The following PDE3A variants were observed in gnomAD, a reference collection of about 807,000 sequenced individuals.
PDE3A encodes cGMP-inhibited 3',5'-cyclic phosphodiesterase 3A.
In PDE3A, 43 loss-of-function variants were observed where a neutral mutation model predicts 98.3. The ratio of observed to expected loss-of-function variants is 0.44; its 90% confidence interval spans 0.34 to 0.56. The LOEUF (loss-of-function observed/expected upper bound fraction) is 0.56. PDE3A is among the 20% of genes least tolerant of loss of function. The pLI is 0.01. For synonymous variants in PDE3A, 663 were observed against 567.9 expected, an observed-to-expected ratio of 1.17 and a Z score of -2.38; for missense variants, 1,427 against 1,440.7, an observed-to-expected ratio of 0.99 and a Z score of 0.15.
intron 1 of PDE3A, among the ~76,000 whole-genome samples, chr12:20,498,994 G>A (rs780129710): frequency 1.5e-4 from 23 of 152,060 alleles, no homozygotes; most frequent in South Asian, 8.3e-4. Context: ...ATACTTTTTG[G>A]TAGAAAATTG....
At chr12:20,479,322 T>C (rs558090833) in intron 1 of PDE3A, among the ~76,000 whole-genome samples, 1 of 152,342 alleles carries the variant, frequency 6.6e-6, no homozygotes, top group South Asian at 2.1e-4. Flanking sequence ...TGGGGACTGA[T>C]GGACTGCTCT....
At chr12:20,424,872 G>A (rs537637206) in intron 1 of PDE3A, among the ~76,000 whole-genome samples, 1 of 152,168 alleles carries the variant, frequency 6.6e-6, no homozygotes, top group Non-Finnish European at 1.5e-5. Context: ...TTCGTTCATT[G>A]TAACACCCAC....
chr12:20,680,640 GAT>G lies in PDE3A; in HGVS notation c.*379_*380del. ...CACAATTTAGTAACATTTATATTAA[GAT>G]ATATATATAGTGGTCACTGTGATAT... On this transcript the variant is annotated 3_prime_UTR_variant, in exon 16 of 16. Transcript: ENST00000359062. 5.8e-6 allele frequency: 1 copy of G among 171,052 alleles called. No individual in the cohort carries two copies. Among genetic ancestry groups the G allele is most frequent in the East Asian group, 1.7e-4 (1 of 6,006 alleles). 10.6% of individuals were successfully genotyped at this position (171,052 alleles called of 1,614,324 possible).
At chr12:20,582,971 G>A (rs1943106616) in intron 2 of PDE3A, among the ~76,000 whole-genome samples, 1 of 151,990 alleles carries the variant, frequency 6.6e-6, no homozygotes, top group Non-Finnish European at 1.5e-5. Context: ...GAATTCCAAG[G>A]AACAATTTAA....
chr12:20,484,330 G>C (rs1378550087), intron 1 of PDE3A, among the ~76,000 whole-genome samples: 1 of 151,992 alleles, frequency 6.6e-6, no homozygotes, highest in Non-Finnish European at 1.5e-5. Flanking sequence ...TTTTATATAA[G>C]GTTTTTCTTT....
At position 20,579,861 on chromosome 12, in the gene PDE3A, G is replaced by T. The variant is rs901509053; in HGVS notation, c.1011+23151G>T. Among the ~76,000 whole-genome samples, 4 of 152,136 alleles carry T rather than the reference G, an allele frequency of 2.6e-5. No homozygotes were observed. In the East Asian group the frequency reaches 7.7e-4, roughly 29 times the overall value. ...TGAGAAAAATCTCAGAGACTGCAGA[G>T]AAAACAATTGAAGAGCCATGTATTA... On this transcript the variant is annotated intron_variant, in intron 2 of 15. Transcript: ENST00000359062.
chr12:20,500,875 C>T (rs1429109633), intron 1 of PDE3A, among the ~76,000 whole-genome samples: 2 of 151,426 alleles, frequency 1.3e-5, no homozygotes, highest in Admixed American at 1.3e-4. Flanking sequence ...TCAAGCAATC[C>T]TCCTGACTCA....
chr12:20,408,902 C>G (rs548306325), intron 1 of PDE3A, among the ~76,000 whole-genome samples: 5 of 152,108 alleles, frequency 3.3e-5, no homozygotes, highest in Non-Finnish European at 7.4e-5. Context: ...AATGATGGAT[C>G]CATTGAGAAT....
intron 1 of PDE3A, among the ~76,000 whole-genome samples, chr12:20,508,099 A>T (rs1333716951): frequency 6.6e-6 from 1 of 151,904 alleles, no homozygotes; most frequent in Admixed American, 6.6e-5. Context: ...ATGCAGCTAT[A>T]CTTATCCTTA....
chr12:20,632,554 G>A (rs1370933462), intron 6 of PDE3A, among the ~76,000 whole-genome samples: 1 of 152,164 alleles, frequency 6.6e-6, no homozygotes, highest in African/African-American at 2.4e-5. Flanking sequence ...GACAGAAGAG[G>A]GAAGAGCCAG....
At chr12:20,556,043 T>C (rs1942361526) in intron 1 of PDE3A, among the ~76,000 whole-genome samples, 1 of 152,064 alleles carries the variant, frequency 6.6e-6, no homozygotes, top group Non-Finnish European at 1.5e-5. Context: ...ATATTCTTAA[T>C]GTTAAATGTT....
intron 1 of PDE3A, among the ~76,000 whole-genome samples, chr12:20,534,828 A>G (rs1167073068): frequency 1.3e-5 from 2 of 152,236 alleles, no homozygotes; most frequent in Non-Finnish European, 2.9e-5. Context: ...ATCCTCATGC[A>G]AAAACAAAGA....
intron 1 of PDE3A, among the ~76,000 whole-genome samples, chr12:20,517,478 T>C (rs557955788): frequency 4.8e-4 from 73 of 152,292 alleles, no homozygotes; most frequent in African/African-American, 1.0e-3. Flanking sequence ...ATGTTTTTTC[T>C]CCGTTGTATA....
chr12:20,462,020 G>T (rs1237305991), intron 1 of PDE3A, among the ~76,000 whole-genome samples: 1 of 152,132 alleles, frequency 6.6e-6, no homozygotes. Flanking sequence ...GTCTCACTTT[G>T]GGTGCTACTT....
At chr12:20,628,998 T>C (rs1360722007) in intron 5 of PDE3A, among the ~76,000 whole-genome samples, 1 of 152,204 alleles carries the variant, frequency 6.6e-6, no homozygotes, top group Non-Finnish European at 1.5e-5. Flanking sequence ...ACAACGACTT[T>C]TAATAATTTC....
At chr12:20,408,747 G>T (rs184309214) in intron 1 of PDE3A, among the ~76,000 whole-genome samples, 2 of 151,982 alleles carry the variant, frequency 1.3e-5, no homozygotes, top group Non-Finnish European at 2.9e-5. Context: ...ATTTATTGCC[G>T]TTCTCTATCT....
Position 20,437,297 on chromosome 12 carries a change from C to T in PDE3A, c.960+67053C>T, listed in dbSNP as rs146711030. ...ATTTGGGAACCTGTGTTGCATCAGA[C>T]TCAGCCTTCATTCAATTATTTAACA... On this transcript the variant is annotated intron_variant, in intron 1 of 15. Transcript: ENST00000359062. Among the ~76,000 whole-genome samples, 387 of 152,290 alleles carry T rather than the reference C, an allele frequency of 2.5e-3. 5 individuals are homozygous for T. Among genetic ancestry groups the T allele is most frequent in the Middle Eastern group, 0.01 (3 of 294 alleles).
At chr12:20,593,536 G>A (rs1277092810) in intron 2 of PDE3A, among the ~76,000 whole-genome samples, 2 of 112,506 alleles carry the variant, frequency 1.8e-5, no homozygotes, top group Non-Finnish European at 3.9e-5. Context: ...AGGGATGAGA[G>A]GCTTTTTAAG....
chr12:20,566,390 A>C (rs1298120136), intron 2 of PDE3A, among the ~76,000 whole-genome samples: 1 of 151,960 alleles, frequency 6.6e-6, no homozygotes, highest in Non-Finnish European at 1.5e-5. Flanking sequence ...GACAATTTCC[A>C]CTTGGATCTC....
Sources: gnomAD v4.1 joint callset for allele counts (sites outside exome capture counted in the v4.1 genomes callset) on GRCh38, gnomAD v4.1.1 for gene constraint, MANE v1.5 for transcripts, NCBI Gene and HGNC (gene_info 2026-07-23, HGNC 2026-07-21) for gene names.